The following ASXL1 variants were observed in gnomAD, a reference collection of about 807,000 sequenced individuals.
The protein encoded by ASXL1 is ASXL transcriptional regulator 1, also known as polycomb group protein ASXL1.
A neutral mutation model predicts 89.1 loss-of-function variants in ASXL1; 65 were observed. That is an observed-to-expected ratio of 0.73 (90% CI 0.60 to 0.90). The LOEUF is 0.90. Among genes scored for constraint, ASXL1 ranks in the 40% least tolerant of loss-of-function variants. ASXL1 has a pLI of 0.00. For synonymous variants in ASXL1, 739 were observed against 746.9 expected, an observed-to-expected ratio of 0.99 and a Z score of 0.17; for missense variants, 1,786 against 1,942.9, an observed-to-expected ratio of 0.92 and a Z score of 1.52.
rs35712951 is a variant in ASXL1 at position 32,434,962 on chromosome 20, C to T, written c.2250C>T (p.Pro750=). 2.8e-3 allele frequency: 4,527 copies of T among 1,614,142 alleles called. 99 individuals are homozygous for T. In the African/African-American group the frequency reaches 0.051, roughly 18 times the overall value. Residue 750 remains proline, a synonymous_variant, in exon 13 of 13, where the codon CCC becomes CCT. Transcript: ENST00000375687. The part of the protein sequence containing the change: ...TDGLGDASQL[P]VAPTGDQPCQ... ...GGCTAGGAGATGCCTCCCAACTCCC[C>T]GTTGCTCCCACTGGGGACCAGCCAT...
In ASXL1 at chr20:32,429,643, C is replaced by T; in HGVS notation, c.565+212C>T. On this transcript the variant is annotated intron_variant, in intron 7 of 12. Transcript: ENST00000375687. The surrounding 1 kb of genome is among the most constrained non-coding windows in gnomAD (Gnocchi z 4.9). ...TGTCTCCCAGGGCAGTCGTGAGGAT[C>T]CAACGGAGGATTTGATTATGCCAGT... The T allele has an allele frequency of 1.4e-6, 1 of 706,140 alleles. No individual in the cohort carries two copies. Among genetic ancestry groups the T allele is most frequent in the Non-Finnish European group, 2.4e-6 (1 of 423,750 alleles). 43.7% of individuals were successfully genotyped at this position (706,140 alleles called of 1,614,324 possible). A position where few individuals can be genotyped will look rare whatever the true frequency, so the allele number is the denominator to read the frequency against.
Position 32,398,025 on chromosome 20 carries a change from G to A in ASXL1, c.252+28902G>A, listed in dbSNP as rs570349061. Reference sequence around the variant, plus strand: ...GTAGTAGGGTATTTACGTATAGATCGGTTCGTTTGTAGCCTTATAGTATCT... The same window carrying A: ...GTAGTAGGGTATTTACGTATAGATCAGTTCGTTTGTAGCCTTATAGTATCT... On this transcript the variant is annotated intron_variant, in intron 4 of 12. Transcript: ENST00000375687. Among the ~76,000 whole-genome samples, 5 of 152,162 alleles carry A rather than the reference G, an allele frequency of 3.3e-5. No homozygotes were observed. The South Asian group carries it at 6.2e-4, about 19-fold the overall frequency.
chr20:32,437,427 A>G lies in ASXL1; in HGVS notation c.*89A>G. ...AATCTGTATACAGAATATCATTGAT[A>G]TAATACTCTTTAGGCAGGAGCACTC... is the stretch of plus-strand genomic sequence containing the variant. On this transcript the variant is annotated 3_prime_UTR_variant, in exon 13 of 13. Coordinates refer to ENST00000375687, the MANE Select transcript of ASXL1 (RefSeq NM_015338.6). 1 of 1,571,076 alleles carries G rather than the reference A, an allele frequency of 6.4e-7. No individual in the cohort carries two copies. The highest frequency in any genetic ancestry group is 2.2e-5 in the East Asian group (1 of 44,644).
At chr20:32,414,068 G>A (rs1451986012) in intron 4 of ASXL1, among the ~76,000 whole-genome samples, 1 of 152,094 alleles carries the variant, frequency 6.6e-6, no homozygotes, top group African/African-American at 2.4e-5. Context: ...TCTGGATATC[G>A]TGTGTTTTTT....
chr20:32,397,036 T>C (rs2048774990), intron 4 of ASXL1, among the ~76,000 whole-genome samples: 1 of 149,698 alleles, frequency 6.7e-6, no homozygotes, highest in Non-Finnish European at 1.5e-5. Context: ...GGCTTTTTTT[T>C]TTTTTCCCTG....
intron 4 of ASXL1, among the ~76,000 whole-genome samples, chr20:32,387,681 C>T (rs911584809): frequency 6.6e-5 from 10 of 152,214 alleles, no homozygotes; most frequent in African/African-American, 1.2e-4. Context: ...CCCTCTGCAA[C>T]GCTTAGATCT....
rs2145380599 is a variant in ASXL1 at position 32,436,098 on chromosome 20, G to A, written c.3386G>A (p.Ser1129Asn). The A allele has an allele frequency of 1.9e-6, 3 of 1,614,202 alleles. No homozygotes were observed. Among genetic ancestry groups the A allele is most frequent in the Non-Finnish European group, 2.5e-6 (3 of 1,180,040 alleles). ...EKVLPPAHDD[S>N]MSESPQVPLT... ...GTTCTTCCACCAGCCCACGATGACA[G>A]CATGTCAGAATCCCCACAAGTACCA... Residue 1129 changes from serine (S) to asparagine (N), a missense_variant, in exon 13 of 13, where the codon AGC (serine) becomes AAC (asparagine). By Grantham distance (46) the Ser-to-Asn change is conservative. This residue lies in a region of ASXL1 where 1,418 missense variants were observed against 1,427.8 expected (regional missense o/e 0.99). Transcript: ENST00000375687.
intron 4 of ASXL1, among the ~76,000 whole-genome samples, chr20:32,381,956 C>CTTTTTTTTTTTTTTT (rs11482197): frequency 8.8e-6 from 1 of 113,698 alleles, no homozygotes; most frequent in Non-Finnish European, 1.8e-5. Flanking sequence ...TTTTTCTTGC[C>CTTTTTTTTTTTTTTT]TTTTTTTTTT....
Position 32,435,157 on chromosome 20 carries a change from GTC to G in ASXL1, c.2449_2450del (p.Leu817SerfsTer4). 6.2e-7 allele frequency: 1 copy of G among 1,613,848 alleles called. No homozygotes were observed. Among genetic ancestry groups the G allele is most frequent in the South Asian group, 1.1e-5 (1 of 91,078 alleles). ...TTCCTGCAGACAATGGTCCCATTCC[GTC>G]TCTAGTGGGAGATGATACATTAGAG... ...TVPADNGPIP[S>X]LVGDDTLEKG... On this transcript the variant is annotated frameshift_variant, in exon 13 of 13. Transcript: ENST00000375687. LOFTEE classifies it low-confidence loss of function (END_TRUNC).
Position 32,391,455 on chromosome 20 carries a change from A to AGATGGT in ASXL1, c.252+22332_252+22333insGATGGT, listed in dbSNP as rs2048669320. Among the ~76,000 whole-genome samples, 4 of 152,274 alleles carry AGATGGT rather than the reference A, an allele frequency of 2.6e-5. No homozygotes were observed. In the South Asian group the frequency reaches 8.3e-4, roughly 32 times the overall value. ...TAAAGAAATAGCTAAGCTGTTTTCC[A>AGATGGT]AAGTGGCTTCACCATCTTAAATTCA... On this transcript the variant is annotated intron_variant, in intron 4 of 12. Transcript: ENST00000375687.
chr20:32,430,259 T>C, intron 8 of ASXL1: 1 of 679,258 alleles, frequency 1.5e-6, no homozygotes, highest in Non-Finnish European at 2.4e-6. Context: ...CAGGCAGAGA[T>C]GATGCCATAC....
intron 4 of ASXL1, among the ~76,000 whole-genome samples, chr20:32,383,263 T>G (rs2048519531): frequency 1.3e-5 from 2 of 151,950 alleles, no homozygotes; most frequent in African/African-American, 2.4e-5. Flanking sequence ...TAGGCTGGAG[T>G]TTTTGTACTC....
intron 4 of ASXL1, among the ~76,000 whole-genome samples, chr20:32,375,109 G>A (rs1039903329): frequency 2.0e-5 from 3 of 152,126 alleles, no homozygotes; most frequent in African/African-American, 7.2e-5. Flanking sequence ...CCAAAGTGCT[G>A]GGATTACAGG....
chr20:32,380,374 A>G (rs1455099682), intron 4 of ASXL1, among the ~76,000 whole-genome samples: 2 of 152,204 alleles, frequency 1.3e-5, no homozygotes, highest in African/African-American at 2.4e-5. Flanking sequence ...GGAGGAAGAG[A>G]GTGAGATAAT....
intron 4 of ASXL1, among the ~76,000 whole-genome samples, chr20:32,373,420 A>G (rs550092190): frequency 3.9e-5 from 6 of 152,218 alleles, no homozygotes; most frequent in African/African-American, 1.4e-4. Context: ...TGCATCTGGC[A>G]TCTAGCTCAT....
chr20:32,414,580 T>G (rs1338411376), intron 4 of ASXL1, among the ~76,000 whole-genome samples: 1 of 152,200 alleles, frequency 6.6e-6, no homozygotes, highest in Non-Finnish European at 1.5e-5. Context: ...GTTTTGGGCC[T>G]CTTTGAGAAC....
rs1181734162 is a variant in ASXL1, at chr20:32,438,959, T to C, written c.*1621T>C. The C allele has an allele frequency of 4.3e-6, 1 of 233,546 alleles. No individual in the cohort carries two copies. The highest frequency in any genetic ancestry group is 2.2e-5 in the African/African-American group (1 of 45,362). The allele number at this position is 233,546 out of a possible 1,614,324, so 14.5% of individuals were successfully genotyped here. A position where few individuals can be genotyped will look rare whatever the true frequency, so the allele number is the denominator to read the frequency against. ...TTATTACAGAGTTGAGGGTTCTTGC[T>C]TAATTTAGATCAAGTATAAAATTTG... On this transcript the variant is annotated 3_prime_UTR_variant, in exon 13 of 13. Coordinates refer to ENST00000375687, the MANE Select transcript of ASXL1 (RefSeq NM_015338.6).
At position 32,369,122 on chromosome 20, in the gene ASXL1, A is replaced by G. The variant is rs762682866; in HGVS notation, c.251A>G (p.Lys84Arg). Residue 84 changes from lysine to arginine, a missense_variant and splice_region_variant, in exon 4 of 13, where the codon AAG (lysine) becomes AGG (arginine). Transcript: ENST00000375687. ...LPGRISLFTL[K>R]KDALQWSRHP... ...GGCCGAATCAGCCTTTTCACGCTCA[A>G]GGTAAGTGATATGAACTCTCTTTTG... The G allele has an allele frequency of 2.5e-6, 4 of 1,602,288 alleles. No homozygotes were observed. The South Asian group carries it at 4.4e-5, about 18-fold the overall frequency.
rs763638795 is a variant in ASXL1 at position 32,435,585 on chromosome 20, C to T, written c.2873C>T (p.Ser958Leu). 16 of 1,614,046 alleles carry T rather than the reference C, an allele frequency of 9.9e-6. No individual in the cohort carries two copies. The highest frequency in any genetic ancestry group is 1.3e-5 in the Non-Finnish European group (15 of 1,180,048). The change falls in exon 13 of 13, where the codon TCA becomes TTA. Residue 958 changes from serine to leucine, a missense_variant. By Grantham distance (145) the Ser-to-Leu change is moderately radical. Transcript: ENST00000375687. ...CTAGATCCTCTTGACAGCCTTACTT[C>T]ACTCTGGACTGTGCCATCTCGAGGA... ...EGLDPLDSLT[S>L]LWTVPSRGGS... is the part of the protein sequence containing the mutation.
Sources: allele counts gnomAD v4.1 joint callset (sites outside exome capture counted in the v4.1 genomes callset), GRCh38; gene constraint gnomAD v4.1.1; regional missense constraint gnomAD v4.1.1; non-coding constraint Gnocchi (gnomAD v3.1); transcripts MANE v1.5; gene names NCBI Gene and HGNC (gene_info 2026-07-23, HGNC 2026-07-21).